The following COL28A1 variants were observed in gnomAD, a reference collection of about 807,000 sequenced individuals.
The protein encoded by COL28A1 is collagen alpha-1(XXVIII) chain.
In COL28A1, 161 loss-of-function variants were observed where a neutral mutation model predicts 150.2. That is an observed-to-expected ratio of 1.07 (90% CI 0.94 to 1.22). COL28A1 has a LOEUF of 1.22. Ranked by LOEUF, COL28A1 falls within the 50% of genes most tolerant of loss-of-function variation. COL28A1 has a pLI of 0.00. For synonymous variants in COL28A1, 552 were observed against 469.7 expected (o/e 1.18, Z -2.26); for missense variants, 1,617 against 1,388.3 (o/e 1.16, Z -2.62).
chr7:7,369,006 G>A (rs1214846548), intron 33 of COL28A1, among the ~76,000 whole-genome samples: 2 of 152,140 alleles, frequency 1.3e-5, no homozygotes, highest in East Asian at 3.8e-4. Flanking sequence ...ATCTATCACA[G>A]CAGTTAATAA....
At chr7:7,518,009 A>G (rs1345917585) in intron 6 of COL28A1, among the ~76,000 whole-genome samples, 172 bp from the exon 7 acceptor site, 1 of 151,454 alleles carries the variant, frequency 6.6e-6, no homozygotes, top group Non-Finnish European at 1.5e-5. Flanking sequence ...AAAAATAGCA[A>G]CTCAGATAAA....
At chr7:7,451,446 G>C (rs189908954) in intron 18 of COL28A1, among the ~76,000 whole-genome samples, 31 of 152,034 alleles carry the variant, frequency 2.0e-4, no homozygotes, top group Admixed American at 1.4e-3. Context: ...GGATGGTCTC[G>C]ATCTCTCGAC....
intron 18 of COL28A1, among the ~76,000 whole-genome samples, chr7:7,449,121 C>G (rs749508398): frequency 8.8e-4 from 133 of 151,940 alleles, no homozygotes; most frequent in Non-Finnish European, 1.2e-3. Flanking sequence ...TTATTATATG[C>G]CAATCAGATA....
chr7:7,373,362 C>A lies in COL28A1; in HGVS notation c.2544G>T (p.Lys848Asn), dbSNP rs1332922129. The A allele has an allele frequency of 6.2e-7, 1 of 1,614,214 alleles. No individual in the cohort carries two copies. Among genetic ancestry groups the A allele is most frequent in the East Asian group, 2.2e-5 (1 of 44,888 alleles). Residue 848 changes from lysine to asparagine, a missense_variant, in exon 32 of 35, where the codon AAG (lysine) becomes AAT (asparagine). Coordinates refer to ENST00000399429, the MANE Select transcript of COL28A1 (RefSeq NM_001037763.3). This position sits in a 1 kb window ranked among gnomAD's most constrained non-coding sequence, Gnocchi z 4.1. Reference sequence around the variant, plus strand: ...TGGAGAACTGCTTCAAATTAGCCACCTTCTCCACCTTATGGCTATAGTTGA... The same window carrying A: ...TGGAGAACTGCTTCAAATTAGCCACATTCTCCACCTTATGGCTATAGTTGA... ...GIINYSHKVE[K>N]VANLKQFSSK... is the part of the protein sequence containing the mutation.
At chr7:7,443,734 CATT>C (rs1425398158) in intron 19 of COL28A1, 81 bp from the exon 20 acceptor site, 1 of 1,569,924 alleles carries the variant, frequency 6.4e-7, no homozygotes, top group Non-Finnish European at 8.6e-7. Flanking sequence ...CTCCTTTTAT[CATT>C]AGTGGATTCA....
intron 18 of COL28A1, among the ~76,000 whole-genome samples, chr7:7,449,840 T>C (rs911747945): frequency 2.6e-5 from 4 of 152,068 alleles, no homozygotes; most frequent in Non-Finnish European, 5.9e-5. Context: ...TTACAAATAT[T>C]TTCTTGAAAA....
chr7:7,538,677 C>T (rs573781838), upstream of COL28A1, among the ~76,000 whole-genome samples: 1 of 152,168 alleles, frequency 6.6e-6, no homozygotes, highest in Admixed American at 6.5e-5. Context: ...TAAAAAGAGA[C>T]AAGTCTGCTA....
intron 11 of COL28A1, among the ~76,000 whole-genome samples, chr7:7,493,300 C>A (rs1390429996): frequency 6.6e-6 from 1 of 151,992 alleles, no homozygotes; most frequent in African/African-American, 2.4e-5. Context: ...TGGTACTTAT[C>A]TGATGTTTGA....
At position 7,436,411 on chromosome 7, in the gene COL28A1, G is replaced by T; in HGVS notation, c.1844C>A (p.Ser615Tyr). ...AAAGCATACCTTTGGTCCTCGAATAGAAAGTCCAGGTTCTCCCTTAAATCC... is the reference window on the plus strand; with the variant it reads ...AAAGCATACCTTTGGTCCTCGAATATAAAGTCCAGGTTCTCCCTTAAATCC... The part of the protein sequence containing the change: ...IPGFKGEPGL[S>Y]IRGPKGVQGP... Residue 615 changes from serine to tyrosine, a missense_variant, in exon 23 of 35, where the codon TCT becomes TAT. By Grantham distance (144) the Ser-to-Tyr change is moderately radical. Coordinates refer to ENST00000399429, the MANE Select transcript of COL28A1 (RefSeq NM_001037763.3). The T allele has an allele frequency of 1.4e-6, 2 of 1,404,980 alleles. No homozygotes were observed. Among genetic ancestry groups the T allele is most frequent in the Non-Finnish European group, 2.0e-6 (2 of 988,844 alleles). The allele number at this position is 1,404,980 out of a possible 1,614,324, so 87.0% of individuals were successfully genotyped here. A position where few individuals can be genotyped will look rare whatever the true frequency, so the allele number is the denominator to read the frequency against.
At chr7:7,471,321 A>G (rs1407938428) in intron 15 of COL28A1, among the ~76,000 whole-genome samples, 3 of 152,096 alleles carry the variant, frequency 2.0e-5, no homozygotes, top group African/African-American at 4.8e-5. Context: ...TCCTATTGAC[A>G]CTATTCCACA....
chr7:7,413,252 T>C (rs956192507), intron 27 of COL28A1, among the ~76,000 whole-genome samples: 1 of 152,142 alleles, frequency 6.6e-6, no homozygotes, highest in Admixed American at 6.5e-5. Flanking sequence ...TCCTTTGCTA[T>C]AGCCCCATAA....
At chr7:7,498,907 C>T (rs1767286066) in intron 11 of COL28A1, among the ~76,000 whole-genome samples, 1 of 152,040 alleles carries the variant, frequency 6.6e-6, no homozygotes, top group Non-Finnish European at 1.5e-5. Context: ...TCTACACACA[C>T]ACGCACACAC....
intron 21 of COL28A1, among the ~76,000 whole-genome samples, chr7:7,438,690 A>T (rs1785529573): frequency 6.6e-6 from 1 of 152,242 alleles, no homozygotes; most frequent in African/African-American, 2.4e-5. Flanking sequence ...ACATATTAGT[A>T]TGATAGCTTA....
chr7:7,487,473 G>C (rs1180825726), intron 13 of COL28A1, among the ~76,000 whole-genome samples: 1 of 152,188 alleles, frequency 6.6e-6, no homozygotes, highest in South Asian at 2.1e-4. Context: ...AGCTACTCGG[G>C]AGGCTGAGGC....
chr7:7,521,988 A>C, intron 4 of COL28A1, 27 bp from the exon 5 acceptor site: 1 of 890,906 alleles, frequency 1.1e-6, no homozygotes, highest in Non-Finnish European at 1.9e-6. Context: ...ATATGATATT[A>C]ACACACAGTG....
chr7:7,422,964 A>C (rs1300009069), intron 25 of COL28A1, among the ~76,000 whole-genome samples: 1 of 152,246 alleles, frequency 6.6e-6, no homozygotes, highest in Non-Finnish European at 1.5e-5. Context: ...TTTAAGAGCT[A>C]TTTCAATCAA....
At chr7:7,409,282 A>G (rs1311525007) in intron 27 of COL28A1, among the ~76,000 whole-genome samples, 1 of 152,156 alleles carries the variant, frequency 6.6e-6, no homozygotes, top group African/African-American at 2.4e-5. Context: ...TAAAGGTGGT[A>G]GGAGCAGCTA....
the COL28A1 span, among the ~76,000 whole-genome samples, chr7:7,341,665 T>A: frequency 6.6e-6 from 1 of 152,154 alleles, no homozygotes; most frequent in Non-Finnish European, 1.5e-5. Context: ...TCTCTCTAGG[T>A]ATGTAGTATT....
chr7:7,410,690 A>G (rs1430368487), intron 27 of COL28A1, among the ~76,000 whole-genome samples: 1 of 152,056 alleles, frequency 6.6e-6, no homozygotes, highest in Non-Finnish European at 1.5e-5. Flanking sequence ...AGAAGGAGAA[A>G]AAAACCTTTA....
Sources: gnomAD v4.1 joint callset for allele counts (sites outside exome capture counted in the v4.1 genomes callset) on GRCh38, gnomAD v4.1.1 for gene constraint, Gnocchi (gnomAD v3.1) non-coding constraint, MANE v1.5 for transcripts, NCBI Gene and HGNC (gene_info 2026-07-23, HGNC 2026-07-21) for gene names.